The following PSD2 variants were observed in gnomAD, a reference collection of about 807,000 sequenced individuals.
PSD2 encodes pleckstrin and Sec7 domain containing 2.
In PSD2, 38 loss-of-function variants were observed where a neutral mutation model predicts 69.8. The observed-to-expected ratio is 0.54, with a 90% confidence interval of 0.42 to 0.71. The LOEUF (loss-of-function observed/expected upper bound fraction) is 0.71. Among genes scored for constraint, PSD2 ranks in the 30% least tolerant of loss-of-function variants. PSD2 has a pLI of 0.00. For synonymous variants in PSD2, 412 were observed against 423.0 expected (o/e 0.97, Z 0.32); for missense variants, 943 against 1,014.5 (o/e 0.93, Z 0.96).
the PSD2 span, among the ~76,000 whole-genome samples, chr5:139,772,201 G>A: frequency 1.3e-5 from 2 of 152,282 alleles, no homozygotes; most frequent in South Asian, 2.1e-4. Flanking sequence ...CTTGAAGGCA[G>A]CACAGGGGGC....
the PSD2 span, among the ~76,000 whole-genome samples, chr5:139,768,472 C>T: frequency 1.3e-5 from 2 of 152,182 alleles, no homozygotes; most frequent in African/African-American, 4.8e-5. Context: ...TCTGTAATCC[C>T]AGCACTTTGG....
chr5:139,832,939 G>C (rs1760628048), intron 7 of PSD2, among the ~76,000 whole-genome samples: 1 of 152,116 alleles, frequency 6.6e-6, no homozygotes, highest in African/African-American at 2.4e-5. Flanking sequence ...CTCTTTGCCT[G>C]TTTCTACCTC....
At chr5:139,835,801 A>C (rs62383878) in intron 9 of PSD2, 35 bp downstream of exon 9, 376,926 of 1,605,690 alleles carry the variant, frequency 0.23, 48,288 homozygotes, top group African/African-American at 0.52. Context: ...TATGGGGAGC[A>C]TACATCCCTG....
chr5:139,820,570 G>A (rs1760234371), intron 5 of PSD2, among the ~76,000 whole-genome samples: 1 of 152,138 alleles, frequency 6.6e-6, no homozygotes, highest in Admixed American at 6.5e-5. Context: ...AGAGGGTAAA[G>A]CAAAGTGGGC....
chr5:139,751,073 A>G, the PSD2 span, among the ~76,000 whole-genome samples: 1 of 152,154 alleles, frequency 6.6e-6, no homozygotes, highest in Admixed American at 6.5e-5. Context: ...GGGTCTGGAT[A>G]TCACTGTGGC....
At chr5:139,745,894 C>G in the PSD2 span, among the ~76,000 whole-genome samples, 1 of 152,196 alleles carries the variant, frequency 6.6e-6, no homozygotes, top group Non-Finnish European at 1.5e-5. Context: ...AAGACCGACA[C>G]CGCCAGGTTT....
At chr5:139,842,212 G>A in intron 14 of PSD2, 59 bp from the exon 15 acceptor site, 2 of 1,416,436 alleles carry the variant, frequency 1.4e-6, no homozygotes, top group Non-Finnish European at 2.0e-6. Context: ...GTCATATAAG[G>A]TGCACATACT....
chr5:139,818,865 T>C (rs1297121832), intron 5 of PSD2, among the ~76,000 whole-genome samples: 1 of 152,246 alleles, frequency 6.6e-6, no homozygotes, highest in East Asian at 1.9e-4. Flanking sequence ...TTTCCATTTC[T>C]AGAATTTCCA....
rs559205843 is a variant in PSD2 at position 139,835,869 on chromosome 5, C to T, written c.1403+103C>T. ...TCTGACCACTCTCCATGGTGCTGAT[C>T]CCTCCCAATCCAGGGCCTGATACCT... On this transcript the variant is annotated intron_variant, in intron 9 of 14. Transcript: ENST00000274710. 8 of 1,109,610 alleles carry T rather than the reference C, an allele frequency of 7.2e-6. No homozygotes were observed. The Admixed American group carries it at 1.2e-4, about 17-fold the overall frequency. The allele number at this position is 1,109,610 out of a possible 1,614,324, so 68.7% of individuals were successfully genotyped here. A position where few individuals can be genotyped will look rare whatever the true frequency, so the allele number is the denominator to read the frequency against.
At chr5:139,817,064 T>C (rs753566979) in intron 4 of PSD2, among the ~76,000 whole-genome samples, 11 of 152,368 alleles carry the variant, frequency 7.2e-5, no homozygotes, top group Non-Finnish European at 1.5e-4. Context: ...AAATACAGAC[T>C]GACCATCCCT....
intron 7 of PSD2, among the ~76,000 whole-genome samples, chr5:139,828,181 G>C (rs1392298363): frequency 2.6e-5 from 4 of 152,034 alleles, no homozygotes; most frequent in Non-Finnish European, 5.9e-5. Flanking sequence ...GAGACCAGGA[G>C]AGAAATTCCA....
At chr5:139,815,512 C>G (rs1485910145) in intron 4 of PSD2, among the ~76,000 whole-genome samples, 1 of 152,148 alleles carries the variant, frequency 6.6e-6, no homozygotes, top group Non-Finnish European at 1.5e-5. Context: ...CCCTTTCTTT[C>G]TCCACACTCA....
At chr5:139,833,654 C>A in intron 7 of PSD2, 48 bp from the exon 8 acceptor site, 1 of 1,410,242 alleles carries the variant, frequency 7.1e-7, no homozygotes, top group Non-Finnish European at 1.0e-6. Context: ...GTGGGGAACA[C>A]ACCAGCCTCC....
At chr5:139,830,986 ACT>A (rs1389321325) in intron 7 of PSD2, among the ~76,000 whole-genome samples, 1 of 151,724 alleles carries the variant, frequency 6.6e-6, no homozygotes. Flanking sequence ...ATTCTTGCCA[ACT>A]TTTTGTCTGC....
chr5:139,821,660 G>A (rs545165089), intron 5 of PSD2, among the ~76,000 whole-genome samples: 1 of 152,312 alleles, frequency 6.6e-6, no homozygotes, highest in African/African-American at 2.4e-5. Flanking sequence ...GAAGGTCCCT[G>A]GAGGGCAATG....
chr5:139,760,161 AT>A, the PSD2 span, among the ~76,000 whole-genome samples: 2 of 152,150 alleles, frequency 1.3e-5, no homozygotes, highest in African/African-American at 4.8e-5. Flanking sequence ...GACTGCTTCC[AT>A]TCCCCCTACC....
the PSD2 span, among the ~76,000 whole-genome samples, chr5:139,766,958 TTTC>T: frequency 2.1e-5 from 3 of 140,154 alleles, no homozygotes; most frequent in Non-Finnish European, 1.5e-5. Context: ...TCTTTCTTTC[TTTC>T]TTTCTTTCTT....
rs553585838 is a variant in PSD2 at position 139,812,627 on chromosome 5, G to A, written c.372-682G>A. Among the ~76,000 whole-genome samples the A allele has an allele frequency of 5.3e-4, 81 of 152,292 alleles. No individual in the cohort carries two copies. In the South Asian group the frequency reaches 0.016, roughly 30 times the overall value. On this transcript the variant is annotated intron_variant, in intron 2 of 14. Transcript: ENST00000274710. ...TCTGAGGAGTAAATGAACAGATCCC[G>A]GAGCAGGAGGCCAGTGTGCTGTGGG...
chr5:139,835,025 C>T (rs1019993669), intron 8 of PSD2, among the ~76,000 whole-genome samples: 2 of 151,748 alleles, frequency 1.3e-5, no homozygotes, highest in Non-Finnish European at 2.9e-5. Context: ...ACACAGACAC[C>T]CTGTACTCCT....
Sources: allele counts gnomAD v4.1 joint callset (sites outside exome capture counted in the v4.1 genomes callset), GRCh38; gene constraint gnomAD v4.1.1; transcripts MANE v1.5; gene names NCBI Gene and HGNC (gene_info 2026-07-23, HGNC 2026-07-21).